CELF2: variants seen among roughly 807,000 people sequenced by gnomAD.
CELF2 encodes CUGBP Elav-like family member 2.
A neutral mutation model predicts 62.6 loss-of-function variants in CELF2; 8 were observed. The observed-to-expected ratio is 0.13, with a 90% CI of 0.07 to 0.23. The LOEUF (loss-of-function observed/expected upper bound fraction) is 0.23. Among genes scored for constraint, CELF2 ranks in the 10% least tolerant of loss-of-function variants. The pLI is 1.00. For missense variants in CELF2, 333 were observed against 671.0 expected, an observed-to-expected ratio of 0.50 and a Z score of 5.56; for synonymous variants, 258 against 250.0, an observed-to-expected ratio of 1.03 and a Z score of -0.30.
At chr10:10,765,982 G>C in the CELF2 span, among the ~76,000 whole-genome samples, 1 of 152,190 alleles carries the variant, frequency 6.6e-6, no homozygotes, top group Admixed American at 6.5e-5. Context: ...AGCTCCTCAG[G>C]AGAGTCAGGA....
intron 1 of CELF2, among the ~76,000 whole-genome samples, chr10:10,825,561 C>T (rs2057324149): frequency 3.3e-5 from 5 of 152,140 alleles, no homozygotes; most frequent in Admixed American, 3.3e-4. Context: ...CCTGTGTTCC[C>T]ATAAACTTTC....
intron 8 of CELF2, among the ~76,000 whole-genome samples, chr10:11,277,095 A>C (rs944223421): frequency 1.3e-5 from 2 of 152,222 alleles, no homozygotes; most frequent in African/African-American, 4.8e-5. Flanking sequence ...ACAGTCTTCA[A>C]GGTGTAGCTG....
chr10:10,696,199 G>A, the CELF2 span, among the ~76,000 whole-genome samples: 7 of 152,034 alleles, frequency 4.6e-5, no homozygotes, highest in Admixed American at 1.3e-4. Context: ...TGTCCTTTCT[G>A]TTTGTTAGTT....
chr10:10,668,177 G>A, the CELF2 span, among the ~76,000 whole-genome samples: 1 of 152,262 alleles, frequency 6.6e-6, no homozygotes, highest in South Asian at 2.1e-4. Context: ...ACAATAAACT[G>A]TACATATTTA....
Position 11,329,164 on chromosome 10 carries a change from C to A in CELF2, c.*111C>A. On this transcript the variant is annotated 3_prime_UTR_variant, in exon 13 of 13. Transcript: ENST00000633077. This position sits in a 1 kb window ranked among gnomAD's most constrained non-coding sequence, Gnocchi z 5.5. ...GGAGGACCACATTGCCAACTTTTAC[C>A]AAGAGAGACGGTTATTTTTACAATA... The A allele has an allele frequency of 1.7e-6, 2 of 1,158,592 alleles. No homozygotes were observed. Among genetic ancestry groups the A allele is most frequent in the African/African-American group, 1.6e-5 (1 of 64,100 alleles). The allele number at this position is 1,158,592 out of a possible 1,614,324, so 71.8% of individuals were successfully genotyped here.
chr10:10,686,310 T>TG, the CELF2 span, among the ~76,000 whole-genome samples: 4,799 of 69,584 alleles, frequency 0.069, 270 homozygotes, highest in Middle Eastern at 0.1. Context: ...TTGGATTTTT[T>TG]GGGGGGGGGG....
the CELF2 span, among the ~76,000 whole-genome samples, chr10:10,736,396 C>CTTTCTTTCTTTCTTTCTTTCTTTTT: frequency 5.3e-5 from 4 of 76,016 alleles, no homozygotes; most frequent in African/African-American, 2.0e-4. Flanking sequence ...TTCTTTCTTT[C>CTTTCTTTCTTTCTTTCTTTCTTTTT]TTTTTTTTTT....
chr10:10,677,108 T>C, the CELF2 span, among the ~76,000 whole-genome samples: 1 of 152,232 alleles, frequency 6.6e-6, no homozygotes, highest in African/African-American at 2.4e-5. Context: ...TATAGCAATG[T>C]ATAGTCTGCA....
the CELF2 span, among the ~76,000 whole-genome samples, chr10:10,478,525 ACT>A: frequency 1.3e-5 from 2 of 151,950 alleles, no homozygotes; most frequent in Non-Finnish European, 1.5e-5. Flanking sequence ...ACACGATAAA[ACT>A]CTCTCTAAAT....
At chr10:10,534,846 T>C in the CELF2 span, among the ~76,000 whole-genome samples, 1 of 152,222 alleles carries the variant, frequency 6.6e-6, no homozygotes, top group Non-Finnish European at 1.5e-5. Context: ...CTAGTAGGAT[T>C]AGGCATAAAG....
the CELF2 span, among the ~76,000 whole-genome samples, chr10:10,664,079 C>T: frequency 6.6e-6 from 1 of 152,114 alleles, no homozygotes; most frequent in Non-Finnish European, 1.5e-5. Context: ...AAACTATAAG[C>T]CTCTTCAAAA....
the CELF2 span, among the ~76,000 whole-genome samples, chr10:10,713,908 G>A: frequency 0.6 from 90,830 of 151,950 alleles, 29,895 homozygotes; most frequent in Non-Finnish European, 0.74. Flanking sequence ...GGCGGCACGT[G>A]TCTGTAATCC....
chr10:10,773,706 G>C, the CELF2 span, among the ~76,000 whole-genome samples: 1 of 152,196 alleles, frequency 6.6e-6, no homozygotes, highest in Admixed American at 6.5e-5. Flanking sequence ...GGAAACTCTG[G>C]GGGTATTTTT....
chr10:11,065,334 T>A (rs2067807217), intron 1 of CELF2, among the ~76,000 whole-genome samples: 1 of 152,254 alleles, frequency 6.6e-6, no homozygotes, highest in South Asian at 2.1e-4. Context: ...TCTTGTTTCC[T>A]CAGGTTTCTT....
intron 3 of CELF2, among the ~76,000 whole-genome samples, chr10:11,222,312 C>T (rs1565389927): frequency 6.6e-6 from 1 of 152,196 alleles, no homozygotes; most frequent in Non-Finnish European, 1.5e-5. Context: ...ATCATTTTAT[C>T]ATTGTCATCA....
chr10:10,933,392 A>G (rs2066295307), intron 2 of CELF2, among the ~76,000 whole-genome samples: 2 of 152,222 alleles, frequency 1.3e-5, no homozygotes, highest in African/African-American at 4.8e-5. Context: ...AAATCAAATC[A>G]GGGTATTTAG....
At chr10:10,862,560 A>T (rs1050462973) in intron 1 of CELF2, among the ~76,000 whole-genome samples, 1 of 152,194 alleles carries the variant, frequency 6.6e-6, no homozygotes, top group Admixed American at 6.5e-5. Flanking sequence ...GCCATTTTTG[A>T]GCCAGCCTCA....
chr10:10,911,687 T>C (rs921345898), intron 1 of CELF2, among the ~76,000 whole-genome samples: 1 of 152,160 alleles, frequency 6.6e-6, no homozygotes, highest in Non-Finnish European at 1.5e-5. Context: ...ATCCCAAAAG[T>C]GTATGCAGTG....
chr10:10,553,990 T>C, the CELF2 span, among the ~76,000 whole-genome samples: 1 of 152,122 alleles, frequency 6.6e-6, no homozygotes, highest in African/African-American at 2.4e-5. Flanking sequence ...GAGAAGATTG[T>C]CTTGGCCCTG....
Sources: gnomAD v4.1 joint callset for allele counts (sites outside exome capture counted in the v4.1 genomes callset) on GRCh38, gnomAD v4.1.1 for gene constraint, Gnocchi (gnomAD v3.1) non-coding constraint, MANE v1.5 for transcripts, NCBI Gene and HGNC (gene_info 2026-07-23, HGNC 2026-07-21) for gene names.